ARHGAP20: variants seen among roughly 807,000 people sequenced by gnomAD.
The protein encoded by ARHGAP20 is Rho GTPase activating protein 20.
In ARHGAP20, 34 loss-of-function variants were observed where a neutral mutation model predicts 73.7. The observed-to-expected ratio is 0.46, with a 90% confidence interval of 0.35 to 0.61. ARHGAP20 has a LOEUF of 0.61. Among genes scored for constraint, ARHGAP20 ranks in the 20% least tolerant of loss-of-function variants. The pLI is 0.00. For missense variants in ARHGAP20, 1,314 were observed against 1,420.9 expected, an observed-to-expected ratio of 0.92 and a Z score of 1.21; for synonymous variants, 523 against 518.2, an observed-to-expected ratio of 1.01 and a Z score of -0.13.
At chr11:110,712,040 C>G in intron 1 of ARHGAP20, 87 bp downstream of exon 1, 1 of 1,246,398 alleles carries the variant, frequency 8.0e-7, no homozygotes, top group South Asian at 3.9e-5. Flanking sequence ...GTCCGCCTAG[C>G]GCGCTGCTGT....
chr11:110,592,716 TTC>T (rs1004171134), intron 9 of ARHGAP20, among the ~76,000 whole-genome samples: 13 of 152,006 alleles, frequency 8.6e-5, no homozygotes, highest in Admixed American at 8.5e-4. Context: ...GAGAGGAGTT[TTC>T]TCTGTTAAGA....
At chr11:110,698,592 A>T (rs1442199707) in intron 1 of ARHGAP20, among the ~76,000 whole-genome samples, 2 of 151,676 alleles carry the variant, frequency 1.3e-5, no homozygotes, top group African/African-American at 4.8e-5. Flanking sequence ...ATTCAATTTC[A>T]TTACTCATTA....
chr11:110,600,400 A>G (rs1948081397), intron 9 of ARHGAP20, among the ~76,000 whole-genome samples: 1 of 152,192 alleles, frequency 6.6e-6, no homozygotes, highest in Non-Finnish European at 1.5e-5. Context: ...CTGCAGCCTC[A>G]CAGACAGCCA....
At chr11:110,698,304 C>T (rs554961995) in intron 1 of ARHGAP20, among the ~76,000 whole-genome samples, 1 of 151,840 alleles carries the variant, frequency 6.6e-6, no homozygotes, top group Admixed American at 6.6e-5. Context: ...TCTTCATGTG[C>T]TATTGGATTC....
At chr11:110,587,877 A>G (rs990308517) in intron 11 of ARHGAP20, among the ~76,000 whole-genome samples, 9 of 152,180 alleles carry the variant, frequency 5.9e-5, no homozygotes, top group Non-Finnish European at 7.3e-5. Context: ...CAGGTATATC[A>G]TTACAAAAGT....
At chr11:110,638,758 C>T (rs972276784) in intron 2 of ARHGAP20, among the ~76,000 whole-genome samples, 8 of 151,364 alleles carry the variant, frequency 5.3e-5, no homozygotes, top group Admixed American at 2.6e-4. Flanking sequence ...GGACAAAAAA[C>T]CAAACACCGC....
At chr11:110,694,047 TACTC>T (rs374086815) in intron 1 of ARHGAP20, among the ~76,000 whole-genome samples, 1 of 152,028 alleles carries the variant, frequency 6.6e-6, no homozygotes, top group South Asian at 2.1e-4. Context: ...TAGGCAAAAA[TACTC>T]AATTAATTAA....
At chr11:110,588,402 G>A (rs1947729460) in intron 11 of ARHGAP20, among the ~76,000 whole-genome samples, 1 of 152,136 alleles carries the variant, frequency 6.6e-6, no homozygotes, top group South Asian at 2.1e-4. Flanking sequence ...GAAGAGTTAA[G>A]CTATAACTTA....
intron 2 of ARHGAP20, among the ~76,000 whole-genome samples, chr11:110,641,541 A>C (rs1313433519): frequency 6.6e-6 from 1 of 152,076 alleles, no homozygotes; most frequent in Non-Finnish European, 1.5e-5. Flanking sequence ...GAAAAATGAG[A>C]GTATTTGAAC....
chr11:110,579,729 G>C lies in ARHGAP20; in HGVS notation c.3217C>G (p.Pro1073Ala), dbSNP rs149514977. 6.2e-7 allele frequency: 1 copy of C among 1,613,934 alleles called. No individual in the cohort carries two copies. Among genetic ancestry groups the C allele is most frequent in the Non-Finnish European group, 8.5e-7 (1 of 1,180,018 alleles). Reference sequence around the variant, plus strand: ...GGAACACCAGAAGCATGTGGGGGTGGCTCTAAGGGTCCTTTTGGAGAAGCT... The same window carrying C: ...GGAACACCAGAAGCATGTGGGGGTGCCTCTAAGGGTCCTTTTGGAGAAGCT... The part of the protein sequence containing the change: ...KIASPKGPLE[P>A]PPHASGVPEA... The change falls in exon 15 of 15, where the codon CCA (proline) becomes GCA (alanine). Residue 1073 changes from proline to alanine, a missense_variant. Transcript: ENST00000683387.
chr11:110,680,963 A>G (rs1008385877), intron 2 of ARHGAP20, among the ~76,000 whole-genome samples: 1 of 152,192 alleles, frequency 6.6e-6, no homozygotes, highest in African/African-American at 2.4e-5. Flanking sequence ...TCTGAATTTT[A>G]CAACTTTGAA....
At chr11:110,601,959 C>T (rs1444029255) in intron 9 of ARHGAP20, among the ~76,000 whole-genome samples, 10 of 147,084 alleles carry the variant, frequency 6.8e-5, no homozygotes, top group African/African-American at 2.0e-4. Flanking sequence ...CCAGCCTGGG[C>T]GATAAGAATG....
intron 6 of ARHGAP20, 102 bp downstream of exon 6, chr11:110,614,457 TAC>T (rs1306606322): frequency 6.3e-5 from 64 of 1,023,812 alleles, no homozygotes; most frequent in Non-Finnish European, 9.1e-5. Flanking sequence ...CCATAGCACA[TAC>T]ACAGTTAGCC....
chr11:110,700,526 C>T (rs1272923057), intron 1 of ARHGAP20, among the ~76,000 whole-genome samples: 1 of 151,896 alleles, frequency 6.6e-6, no homozygotes, highest in African/African-American at 2.4e-5. Flanking sequence ...AACAATTATA[C>T]TTCAAAGACA....
intron 1 of ARHGAP20, among the ~76,000 whole-genome samples, chr11:110,694,478 C>T (rs1177800947): frequency 2.6e-5 from 4 of 151,722 alleles, no homozygotes; most frequent in Admixed American, 6.6e-5. Context: ...AAGGTCATAA[C>T]TGAATATGAG....
chr11:110,652,704 G>C (rs1314972810), intron 2 of ARHGAP20, among the ~76,000 whole-genome samples: 4 of 152,086 alleles, frequency 2.6e-5, no homozygotes, highest in Non-Finnish European at 4.4e-5. Context: ...TCTTCAAGAA[G>C]AACTACAATC....
chr11:110,621,207 TTTCTC>T (rs1401811699), intron 4 of ARHGAP20, among the ~76,000 whole-genome samples: 2 of 152,068 alleles, frequency 1.3e-5, no homozygotes, highest in Non-Finnish European at 2.9e-5. Context: ...TTTCAAGATC[TTTCTC>T]TTATTTTTGA....
At position 110,712,350 on chromosome 11, in the gene ARHGAP20, G is replaced by C; in HGVS notation, c.-119C>G. The C allele has an allele frequency of 1.3e-6, 1 of 799,132 alleles. No individual in the cohort carries two copies. Among genetic ancestry groups the C allele is most frequent in the Non-Finnish European group, 1.7e-6 (1 of 586,232 alleles). The allele number at this position is 799,132 out of a possible 1,614,324, so 49.5% of individuals were successfully genotyped here. Reference sequence around the variant, plus strand: ...GGCGCGGCTGCCGTGCTCAGGCAGGGAGCCGAGCTCCGGGTGCTCGCCGCG... The same window carrying C: ...GGCGCGGCTGCCGTGCTCAGGCAGGCAGCCGAGCTCCGGGTGCTCGCCGCG... On this transcript the variant is annotated 5_prime_UTR_variant, in exon 1 of 15. Transcript: ENST00000683387.
In ARHGAP20 at chr11:110,593,326, C is replaced by T. The variant is rs570390946; in HGVS notation, c.965-1171G>A. On this transcript the variant is annotated intron_variant, in intron 9 of 14. Transcript: ENST00000683387. ...TTTAACATGAAGTTTAACAGGTTTG[C>T]TTATGATTTAATACATAAAAATCTC... Among the ~76,000 whole-genome samples, 8 of 152,278 alleles carry T rather than the reference C, an allele frequency of 5.3e-5. No homozygotes were observed. In the South Asian group the frequency reaches 1.7e-3, roughly 32 times the overall value.
Sources: gnomAD v4.1 joint callset for allele counts (sites outside exome capture counted in the v4.1 genomes callset) on GRCh38, gnomAD v4.1.1 for gene constraint, MANE v1.5 for transcripts, NCBI Gene and HGNC (gene_info 2026-07-23, HGNC 2026-07-21) for gene names.